SUMF1: variants seen among roughly 807,000 people sequenced by gnomAD.
SUMF1 encodes sulfatase modifying factor 1.
In SUMF1, 48 loss-of-function variants were observed where a neutral mutation model predicts 47.6. The ratio of observed to expected loss-of-function variants is 1.01; its 90% confidence interval spans 0.80 to 1.28. The LOEUF (loss-of-function observed/expected upper bound fraction) is 1.28. Ranked by LOEUF, SUMF1 falls within the 50% of genes most tolerant of loss-of-function variation. The probability of loss-of-function intolerance (pLI) is 0.00; values close to 1 mark genes in which losing one functional copy is unlikely to be tolerated. For missense variants in SUMF1, 571 were observed against 485.4 expected, an observed-to-expected ratio of 1.18 and a Z score of -1.66; for synonymous variants, 230 against 192.1, an observed-to-expected ratio of 1.20 and a Z score of -1.63.
At chr3:4,046,437 T>C (rs1282375214) in intron 9 of SUMF1, among the ~76,000 whole-genome samples, 1 of 152,126 alleles carries the variant, frequency 6.6e-6, no homozygotes, top group Non-Finnish European at 1.5e-5. Context: ...AAGATGGAAG[T>C]TTCCACTGGC....
chr3:4,440,432 G>A (rs546770936), intron 3 of SUMF1, among the ~76,000 whole-genome samples: 16 of 152,168 alleles, frequency 1.1e-4, no homozygotes, highest in Admixed American at 7.9e-4. Flanking sequence ...TTAGAATTCC[G>A]CTGGACCTCA....
intron 8 of SUMF1, among the ~76,000 whole-genome samples, chr3:4,187,125 T>TGC (rs1695216291): frequency 6.6e-6 from 1 of 152,154 alleles, no homozygotes; most frequent in Admixed American, 6.5e-5. Context: ...ATCCCAGCAC[T>TGC]TTGAGAGGCT....
chr3:4,239,815 G>C (rs1212606219), intron 8 of SUMF1, among the ~76,000 whole-genome samples: 2 of 152,126 alleles, frequency 1.3e-5, no homozygotes, highest in African/African-American at 2.4e-5. Context: ...ATGTTGAATA[G>C]GAGTGGTGAG....
At chr3:4,304,625 TA>T (rs1266719512) in intron 8 of SUMF1, among the ~76,000 whole-genome samples, 2 of 152,158 alleles carry the variant, frequency 1.3e-5, no homozygotes, top group Non-Finnish European at 2.9e-5. Flanking sequence ...AATAATAATT[TA>T]AAAATGCATA....
chr3:4,394,403 C>T (rs953264123), intron 7 of SUMF1, among the ~76,000 whole-genome samples: 1 of 152,108 alleles, frequency 6.6e-6, no homozygotes, highest in Non-Finnish European at 1.5e-5. Context: ...AGTGATCTGC[C>T]CATCTCGCTC....
chr3:4,337,225 CCTTCCTTA>C (rs1423060098), intron 8 of SUMF1, among the ~76,000 whole-genome samples: 3 of 7,040 alleles, frequency 4.3e-4, no homozygotes, highest in South Asian at 0.017. Context: ...TTCCTTCCTT[CCTTCCTTA>C]CTTCCTTCCC....
chr3:4,174,376 A>C (rs1034217465), intron 8 of SUMF1, among the ~76,000 whole-genome samples: 1 of 132,674 alleles, frequency 7.5e-6, no homozygotes, highest in Non-Finnish European at 1.6e-5. Flanking sequence ...AAAAAAAAAA[A>C]ATTATGGTTA....
intron 8 of SUMF1, among the ~76,000 whole-genome samples, chr3:4,226,945 A>G (rs1421210167): frequency 2.0e-5 from 3 of 152,042 alleles, no homozygotes; most frequent in Non-Finnish European, 4.4e-5. Flanking sequence ...GGGCTAAAAC[A>G]CAGATTTCTG....
chr3:4,414,560 C>G (rs1357444589), intron 6 of SUMF1: 1 of 152,248 alleles, frequency 6.6e-6, no homozygotes, highest in Admixed American at 6.5e-5. Flanking sequence ...CTGTCTCTCT[C>G]TGGCTGGCTT....
chr3:4,305,237 A>C lies in SUMF1; in HGVS notation c.1014+71093T>G, dbSNP rs543888560. Among the ~76,000 whole-genome samples, 70 of 152,162 alleles carry C rather than the reference A, an allele frequency of 4.6e-4. 1 individual carries two copies. Among genetic ancestry groups the C allele is most frequent in the South Asian group, 2.5e-3 (12 of 4,804 alleles). ...AGTAGCTGGAATTACAGGCGCCTAC[A>C]ACCACGCCCAGCTGATTTTTGTATT... On this transcript the variant is annotated intron_variant and NMD_transcript_variant, in intron 8 of 12. Coordinates refer to the SUMF1 transcript ENST00000448413.
intron 7 of SUMF1, among the ~76,000 whole-genome samples, chr3:4,383,141 G>C (rs1247085461): frequency 6.6e-6 from 1 of 152,146 alleles, no homozygotes; most frequent in Non-Finnish European, 1.5e-5. Context: ...CACTTTGGGA[G>C]GCCAAGGCAG....
At chr3:4,416,539 C>T (rs1179822314) in intron 6 of SUMF1, among the ~76,000 whole-genome samples, 5 of 152,178 alleles carry the variant, frequency 3.3e-5, no homozygotes, top group East Asian at 3.8e-4. Flanking sequence ...CTGGCAAATA[C>T]GGTAGTTAAG....
At chr3:4,369,246 T>C (rs1700093028) in intron 8 of SUMF1, among the ~76,000 whole-genome samples, 1 of 152,170 alleles carries the variant, frequency 6.6e-6, no homozygotes, top group Non-Finnish European at 1.5e-5. Flanking sequence ...GTGAATAATA[T>C]AACATTAGCA....
At chr3:4,362,530 G>A (rs1699801083) in intron 8 of SUMF1, among the ~76,000 whole-genome samples, 1 of 152,182 alleles carries the variant, frequency 6.6e-6, no homozygotes, top group Non-Finnish European at 1.5e-5. Context: ...ACCAATGATT[G>A]CCTAAGTTTA....
At chr3:4,079,676 A>ACTTATTGGAATATCTTATTGGAATAT (rs1692516245) in intron 8 of SUMF1, among the ~76,000 whole-genome samples, 1 of 150,328 alleles carries the variant, frequency 6.7e-6, no homozygotes, top group Admixed American at 6.7e-5. Flanking sequence ...TATGGAAAGT[A>ACTTATTGGAATATCTTATTGGAATAT]CTTATTGGAA....
intron 8 of SUMF1, among the ~76,000 whole-genome samples, chr3:4,340,851 T>C (rs189932150): frequency 6.6e-6 from 1 of 152,364 alleles, no homozygotes; most frequent in Admixed American, 6.5e-5. Context: ...GGGCCTCATC[T>C]ACAGGGCTTT....
intron 8 of SUMF1, among the ~76,000 whole-genome samples, chr3:4,253,785 C>T (rs531686430): frequency 0.012 from 1,765 of 146,458 alleles, 40 homozygotes; most frequent in African/African-American, 0.042. Flanking sequence ...CTGCCTGCCT[C>T]TGTAGGCTCC....
intron 9 of SUMF1, among the ~76,000 whole-genome samples, chr3:4,058,388 G>C (rs770696065): frequency 6.6e-6 from 1 of 152,136 alleles, no homozygotes; most frequent in Non-Finnish European, 1.5e-5. Flanking sequence ...TTCGAATGCA[G>C]TAATATTCAG....
At chr3:4,143,945 G>A (rs1178197456) in intron 8 of SUMF1, among the ~76,000 whole-genome samples, 1 of 151,180 alleles carries the variant, frequency 6.6e-6, no homozygotes, top group Non-Finnish European at 1.5e-5. Context: ...AAGCACTGCA[G>A]CAGGCCATAG....
Sources: gnomAD v4.1 joint callset for allele counts (sites outside exome capture counted in the v4.1 genomes callset) on GRCh38, gnomAD v4.1.1 for gene constraint, MANE v1.5 for transcripts, NCBI Gene and HGNC (gene_info 2026-07-23, HGNC 2026-07-21) for gene names.